DCAF1: variants seen among roughly 807,000 people sequenced by gnomAD.
DCAF1 encodes DDB1- and CUL4-associated factor 1.
In DCAF1, 15 loss-of-function variants were observed where a neutral mutation model predicts 128.0. The ratio of observed to expected loss-of-function variants is 0.12; its 90% CI spans 0.08 to 0.18. DCAF1 has a LOEUF of 0.18. Among genes scored for constraint, DCAF1 ranks in the 10% least tolerant of loss-of-function variants. The pLI is 1.00. For synonymous variants in DCAF1, 610 were observed against 603.0 expected, an observed-to-expected ratio of 1.01 and a Z score of -0.17; for missense variants, 988 against 1,649.5, an observed-to-expected ratio of 0.60 and a Z score of 6.95.
chr3:51,398,179 T>TA lies in DCAF1; in HGVS notation c.*589dup, dbSNP rs2106707815. On this transcript the variant is annotated 3_prime_UTR_variant, in exon 25 of 25. Coordinates refer to ENST00000684031, the MANE Select transcript of DCAF1 (RefSeq NM_001387579.1). ...CAGCATATGAGGCAACAAAACAGGT[T>TA]AAAAAATCATATATTATATTTATAA... 6.6e-6 allele frequency: 1 copy of TA among 152,126 alleles called. No homozygotes were observed. The highest frequency in any genetic ancestry group is 3.4e-3 in the Middle Eastern group (1 of 294). The allele number at this position is 152,126 out of a possible 1,614,324, so 9.4% of individuals were successfully genotyped here.
At chr3:51,474,264 C>A (rs1237186946) in intron 3 of DCAF1, among the ~76,000 whole-genome samples, 1 of 151,960 alleles carries the variant, frequency 6.6e-6, no homozygotes, top group South Asian at 2.1e-4. Context: ...GCTAAAAATA[C>A]AAAAAATTAG....
chr3:51,441,146 T>G (rs533605573), intron 8 of DCAF1, 75 bp from the exon 9 acceptor site: 1 of 1,384,506 alleles, frequency 7.2e-7, no homozygotes, highest in Non-Finnish European at 1.0e-6. Flanking sequence ...TCTTTGAGGA[T>G]AGAAGCCTAA....
intron 2 of DCAF1, among the ~76,000 whole-genome samples, chr3:51,491,508 T>A (rs1037620167): frequency 6.6e-6 from 1 of 152,018 alleles, no homozygotes; most frequent in Non-Finnish European, 1.5e-5. Flanking sequence ...TATGATCAAT[T>A]TTCAACAAGG....
At chr3:51,505,564 CTG>C in the DCAF1 span, among the ~76,000 whole-genome samples, 1 of 152,184 alleles carries the variant, frequency 6.6e-6, no homozygotes, top group African/African-American at 2.4e-5. Flanking sequence ...GGCGATGTCT[CTG>C]TGTGAAAAGT....
intron 12 of DCAF1, 33 bp from the exon 13 acceptor site, chr3:51,427,574 A>G: frequency 1.8e-6 from 1 of 552,358 alleles, no homozygotes. Flanking sequence ...TTATTATTAT[A>G]TATAACTCTA....
At chr3:51,498,796 C>G (rs1708519986) in intron 1 of DCAF1, among the ~76,000 whole-genome samples, 1 of 151,934 alleles carries the variant, frequency 6.6e-6, no homozygotes, top group Admixed American at 6.6e-5. Context: ...AAGAAAAATA[C>G]TAAATAGATC....
chr3:51,421,074 T>C (rs1699346725), intron 14 of DCAF1, 77 bp from the exon 15 acceptor site: 1 of 1,501,420 alleles, frequency 6.7e-7, no homozygotes, highest in Admixed American at 2.1e-5. Context: ...GAGTCAAAAT[T>C]TGGTGTTCTA....
At chr3:51,427,121 C>T (rs945061392) in intron 13 of DCAF1, among the ~76,000 whole-genome samples, 1 of 152,198 alleles carries the variant, frequency 6.6e-6, no homozygotes, top group South Asian at 2.1e-4. Context: ...AAATCATGTA[C>T]CTTCTCCGAC....
chr3:51,470,846 G>T, intron 4 of DCAF1, 83 bp downstream of exon 4: 1 of 1,024,912 alleles, frequency 9.8e-7, no homozygotes, highest in Non-Finnish European at 1.4e-6. Context: ...TTCTTTTTTA[G>T]AAAAGAAAAA....
At chr3:51,431,448 G>A (rs782013435) in intron 10 of DCAF1, among the ~76,000 whole-genome samples, 104 of 150,666 alleles carry the variant, frequency 6.9e-4, no homozygotes, top group Non-Finnish European at 1.3e-3. Context: ...TGAACCCAGG[G>A]GGCAGAGGTT....
At chr3:51,448,759 A>G (rs956397618) in intron 6 of DCAF1, among the ~76,000 whole-genome samples, 2 of 152,204 alleles carry the variant, frequency 1.3e-5, no homozygotes, top group Admixed American at 6.5e-5. Flanking sequence ...TTCAATTACG[A>G]TTAAGACAAC....
chr3:51,483,893 A>G, intron 2 of DCAF1, 57 bp from the exon 3 acceptor site: 1 of 1,227,254 alleles, frequency 8.1e-7, no homozygotes. Context: ...ACAAGCAAAT[A>G]AAAGTGAAGA....
chr3:51,418,789 C>G lies in DCAF1; in HGVS notation c.3324G>C (p.Leu1108=), dbSNP rs782163343. ...CCAFSARERF[L]MLGTCTGQLK... ...GCTGCCCTGTGCAGGTGCCAAGCATCAGGAACCGCTCCCGTGCTGAGAATG... is the reference window on the plus strand; with the variant it reads ...GCTGCCCTGTGCAGGTGCCAAGCATGAGGAACCGCTCCCGTGCTGAGAATG... The change falls in exon 16 of 25, where the codon CTG becomes CTC. Residue 1108 remains leucine, a synonymous_variant. Coordinates refer to ENST00000684031, the MANE Select transcript of DCAF1 (RefSeq NM_001387579.1). 3.7e-6 allele frequency: 6 copies of G among 1,613,868 alleles called. No homozygotes were observed. The highest frequency in any genetic ancestry group is 4.5e-5 in the East Asian group (2 of 44,902).
downstream of DCAF1, chr3:51,397,059 C>G (rs1553623227): frequency 6.0e-6 from 1 of 167,064 alleles, no homozygotes; most frequent in East Asian, 1.9e-4. Flanking sequence ...TTTACCTGCC[C>G]CTGGAGAGTT....
chr3:51,498,611 T>C (rs1268133551), intron 1 of DCAF1, among the ~76,000 whole-genome samples: 6 of 152,006 alleles, frequency 3.9e-5, no homozygotes, highest in Admixed American at 2.0e-4. Context: ...AACTGTATAA[T>C]AGGCAGAACA....
At chr3:51,446,102 TCCTG>T (rs1553640169) in intron 6 of DCAF1, among the ~76,000 whole-genome samples, 1 of 151,060 alleles carries the variant, frequency 6.6e-6, no homozygotes, top group Non-Finnish European at 1.5e-5. Flanking sequence ...CAAGTGTTTC[TCCTG>T]CCTTGGCCTC....
rs1164944023 is a variant in DCAF1, at chr3:51,417,801, GA to G, written c.3518+314del. The stretch of plus-strand genomic sequence containing the variant: ...GAGGAGAGAGAAAAGGAGGGGAGGT[GA>G]GGGGGGAGGGGAGGGGAGAGGAGAG... On this transcript the variant is annotated intron_variant, in intron 17 of 24. Coordinates refer to ENST00000684031, the MANE Select transcript of DCAF1 (RefSeq NM_001387579.1). Among the ~76,000 whole-genome samples the G allele has an allele frequency of 2.6e-4, 38 of 148,890 alleles. 1 individual carries two copies. The highest frequency in any genetic ancestry group is 2.2e-3 in the Admixed American group (33 of 14,888).
intron 15 of DCAF1, among the ~76,000 whole-genome samples, chr3:51,419,228 G>A (rs1699173427): frequency 6.6e-6 from 1 of 152,038 alleles, no homozygotes; most frequent in South Asian, 2.1e-4. Context: ...AGATATGGTG[G>A]TGCCTGCCTG....
intron 9 of DCAF1, among the ~76,000 whole-genome samples, chr3:51,438,920 T>C (rs1302272031): frequency 2.0e-5 from 3 of 152,184 alleles, no homozygotes; most frequent in South Asian, 2.1e-4. Flanking sequence ...CGAAGTGTTA[T>C]ATACATTTTT....
Sources: gnomAD v4.1 joint callset for allele counts (sites outside exome capture counted in the v4.1 genomes callset) on GRCh38, gnomAD v4.1.1 for gene constraint, MANE v1.5 for transcripts, NCBI Gene and HGNC (gene_info 2026-07-23, HGNC 2026-07-21) for gene names.